KIF13A: variants seen among roughly 807,000 people sequenced by gnomAD.
KIF13A encodes kinesin family member 13A.
A neutral mutation model predicts 212.2 loss-of-function variants in KIF13A; 79 were observed. The ratio of observed to expected loss-of-function variants is 0.37; its 90% CI spans 0.31 to 0.45. The LOEUF (loss-of-function observed/expected upper bound fraction) is 0.45. Among genes scored for constraint, KIF13A ranks in the 20% least tolerant of loss-of-function variants. The pLI, the probability that KIF13A is intolerant of heterozygous loss-of-function variation, is 1.00. For synonymous variants in KIF13A, 789 were observed against 808.6 expected, an observed-to-expected ratio of 0.98 and a Z score of 0.41; for missense variants, 1,901 against 2,209.0, an observed-to-expected ratio of 0.86 and a Z score of 2.79.
At position 17,948,797 on chromosome 6, in the gene KIF13A, C is replaced by G. The variant is rs968794369; in HGVS notation, c.146+38257G>C. 3.4e-4 allele frequency among the ~76,000 whole-genome samples: 52 copies of G among 151,898 alleles called. 1 individual carries two copies. Among genetic ancestry groups the G allele is most frequent in the Non-Finnish European group, 4.4e-5 (3 of 67,980 alleles). On this transcript the variant is annotated intron_variant, in intron 2 of 38. Coordinates refer to ENST00000259711, the MANE Select transcript of KIF13A (RefSeq NM_022113.6). Reference sequence around the variant, plus strand: ...GCTGGGCTGGTCTCAAACTCCTGACCTCAAATGATCCACCCGTTTCGGCCC... The same window carrying G: ...GCTGGGCTGGTCTCAAACTCCTGACGTCAAATGATCCACCCGTTTCGGCCC...
In KIF13A at chr6:17,799,300, T is replaced by C. The variant is rs1762290359; in HGVS notation, c.2756A>G (p.Asp919Gly). Reference sequence around the variant, plus strand: ...GGAGAAGGTCACTGTGTACTGGGCATCCTTGGACTGTGGTGAAGGCACCTC... The same window carrying C: ...GGAGAAGGTCACTGTGTACTGGGCACCCTTGGACTGTGGTGAAGGCACCTC... ...DPEVPSPQSKDAQYTVTFSHC... is the reference protein window; with the variant it reads ...DPEVPSPQSKGAQYTVTFSHC... Residue 919 changes from aspartate to glycine, a missense_variant, in exon 22 of 39, where the codon GAT becomes GGT. Physicochemically the swap from Asp to Gly is moderately conservative, Grantham distance 94. This residue lies in a region of KIF13A where 534 missense variants were observed against 536.9 expected (regional missense o/e 0.99). Coordinates refer to ENST00000259711, the MANE Select transcript of KIF13A (RefSeq NM_022113.6). This position sits in a 1 kb window ranked among gnomAD's most constrained non-coding sequence, Gnocchi z 4.4. 1 of 1,613,100 alleles carries C rather than the reference T, an allele frequency of 6.2e-7. No homozygotes were observed. The highest frequency in any genetic ancestry group is 8.5e-7 in the Non-Finnish European group (1 of 1,179,476).
At chr6:17,831,287 C>T (rs960171495) in intron 12 of KIF13A, 52 bp from the exon 13 acceptor site, 3 of 1,580,582 alleles carry the variant, frequency 1.9e-6, no homozygotes, top group Admixed American at 1.8e-5. Flanking sequence ...GTTCTATTCA[C>T]AAGATGTATC....
intron 2 of KIF13A, among the ~76,000 whole-genome samples, chr6:17,932,803 G>GAA (rs5874615): frequency 6.9e-6 from 1 of 144,518 alleles, no homozygotes. Flanking sequence ...AGAATGGAAA[G>GAA]AAAAAAAAAA....
Position 17,799,335 on chromosome 6 carries a change from C to G in KIF13A, c.2721G>C (p.Val907=), listed in dbSNP as rs1172113002. The change falls in exon 22 of 39, where the codon GTG becomes GTC. Residue 907 remains valine (V), a synonymous_variant. Transcript: ENST00000259711. This position sits in a 1 kb window ranked among gnomAD's most constrained non-coding sequence, Gnocchi z 4.4. ...DQCESTVAAP[V]VDPEVPSPQS... ...GTGGTGAAGGCACCTCGGGGTCCAC[C>G]ACCGGGGCAGCCACCGTAGACTCAC... is the stretch of plus-strand genomic sequence containing the variant. 6.2e-7 allele frequency: 1 copy of G among 1,613,128 alleles called. No individual in the cohort carries two copies. Among genetic ancestry groups the G allele is most frequent in the Non-Finnish European group, 8.5e-7 (1 of 1,179,622 alleles).
chr6:17,762,812 C>T (rs1480777555), downstream of KIF13A, among the ~76,000 whole-genome samples: 1 of 152,114 alleles, frequency 6.6e-6, no homozygotes, highest in African/African-American at 2.4e-5. Context: ...TCAGAGATGA[C>T]TGTTTAGGTT....
At chr6:17,820,887 T>C (rs1021825164) in intron 16 of KIF13A, among the ~76,000 whole-genome samples, 11 of 152,034 alleles carry the variant, frequency 7.2e-5, no homozygotes, top group African/African-American at 2.7e-4. Flanking sequence ...GAAAGAGAAT[T>C]AGAATTAATT....
Position 17,796,706 on chromosome 6 carries a change from C to G in KIF13A, c.2905G>C (p.Asp969His), listed in dbSNP as rs1359528903. Reference sequence around the variant, plus strand: ...GTTCTTGTCTTAGCATGAAGAGAATCGACCTCCCAGATGGAGCTGCCATTT... The same window carrying G: ...GTTCTTGTCTTAGCATGAAGAGAATGGACCTCCCAGATGGAGCTGCCATTT... ...AGNGSSIWEV[D>H]SLHAKTRTLH... Residue 969 changes from aspartate to histidine, a missense_variant, in exon 23 of 39, where the codon GAT becomes CAT. Physicochemically the swap from Asp to His is moderately conservative, Grantham distance 81. Transcript: ENST00000259711. The G allele has an allele frequency of 1.9e-6, 3 of 1,582,944 alleles. No homozygotes were observed. Among genetic ancestry groups the G allele is most frequent in the Non-Finnish European group, 2.6e-6 (3 of 1,163,158 alleles).
intron 3 of KIF13A, among the ~76,000 whole-genome samples, chr6:17,890,808 AT>A (rs1771986248): frequency 6.7e-6 from 1 of 148,632 alleles, no homozygotes; most frequent in Admixed American, 6.7e-5. Context: ...AATAATAATA[AT>A]AATAATAATG....
chr6:17,954,453 T>C (rs776935937), intron 2 of KIF13A, among the ~76,000 whole-genome samples: 1 of 152,132 alleles, frequency 6.6e-6, no homozygotes, highest in African/African-American at 2.4e-5. Context: ...GCTCAATAAA[T>C]AACAGCTGAC....
chr6:17,793,639 G>A (rs1761790965), intron 25 of KIF13A, among the ~76,000 whole-genome samples: 1 of 152,072 alleles, frequency 6.6e-6, no homozygotes, highest in East Asian at 1.9e-4. Flanking sequence ...GTGGCCAGGT[G>A]CGGTGGCTCA....
chr6:17,807,900 T>C (rs912594692), intron 18 of KIF13A, among the ~76,000 whole-genome samples: 1 of 152,176 alleles, frequency 6.6e-6, no homozygotes, highest in African/African-American at 2.4e-5. Context: ...AATGAAATAT[T>C]GTGGGCGGGT....
At chr6:17,879,202 T>A (rs1442850354) in intron 3 of KIF13A, among the ~76,000 whole-genome samples, 1 of 152,192 alleles carries the variant, frequency 6.6e-6, no homozygotes, top group Non-Finnish European at 1.5e-5. Context: ...ACGGTCCTGT[T>A]TTATGCCTTG....
In KIF13A at chr6:17,855,356, T is replaced by C. The variant is rs918659581; in HGVS notation, c.494+81A>G. 4.6e-6 allele frequency: 5 copies of C among 1,076,820 alleles called. No individual in the cohort carries two copies. The highest frequency in any genetic ancestry group is 4.6e-5 in the Admixed American group (2 of 43,638). The allele number at this position is 1,076,820 out of a possible 1,614,324, so 66.7% of individuals were successfully genotyped here. ...TAGTCACCAAGAGCTTAAATACGTA[T>C]ATTCACTTCCAATTTTAACTTTAGA... On this transcript the variant is annotated intron_variant, in intron 6 of 38. Transcript: ENST00000259711. This position sits in a 1 kb window ranked among gnomAD's most constrained non-coding sequence, Gnocchi z 4.1.
intron 2 of KIF13A, among the ~76,000 whole-genome samples, chr6:17,975,013 C>G (rs959619618): frequency 1.3e-5 from 2 of 152,118 alleles, no homozygotes; most frequent in South Asian, 2.1e-4. Flanking sequence ...TGGTCCCAAG[C>G]TACCAGCATC....
rs79560571 is a variant in KIF13A, at chr6:17,984,088, G to A, written c.146+2966C>T. ...TGAGGTACAAAGAGAAGTAGGATAA[G>A]GTACCTACCTGCCTTCAAGCAGTTC... On this transcript the variant is annotated intron_variant, in intron 2 of 38. Transcript: ENST00000259711. This position sits in a 1 kb window ranked among gnomAD's most constrained non-coding sequence, Gnocchi z 5.0. Among the ~76,000 whole-genome samples, 1 of 152,142 alleles carries A rather than the reference G, an allele frequency of 6.6e-6. No homozygotes were observed. The highest frequency in any genetic ancestry group is 6.6e-5 in the Admixed American group (1 of 15,266).
rs60000356 is a variant in KIF13A, at chr6:17,983,649, G to A, written c.146+3405C>T. ...CTGGGATTATAGGTATGTACCACTCGGCTAATTTTTATATTTTTAGGAGAG... is the reference window on the plus strand; with the variant it reads ...CTGGGATTATAGGTATGTACCACTCAGCTAATTTTTATATTTTTAGGAGAG... On this transcript the variant is annotated intron_variant, in intron 2 of 38. Transcript: ENST00000259711. Among the ~76,000 whole-genome samples, 179 of 151,932 alleles carry A rather than the reference G, an allele frequency of 1.2e-3. 2 individuals are homozygous for A. Among genetic ancestry groups the A allele is most frequent in the African/African-American group, 3.9e-3 (161 of 41,438 alleles).
In KIF13A at chr6:17,764,239, ACTC is replaced by A; in HGVS notation, c.5286_5288del (p.Arg1762del). On this transcript the variant is annotated inframe_deletion, in exon 39 of 39. Transcript: ENST00000259711. The surrounding 1 kb of genome is among the most constrained non-coding windows in gnomAD (Gnocchi z 5.1). ...TCTTGCCGCCTGTTTTATTTGGTAG[ACTC>A]CTCCTACTGGAAAGCTCTCCAGCAG... is the stretch of plus-strand genomic sequence containing the variant. 3 of 1,613,664 alleles carry A rather than the reference ACTC, an allele frequency of 1.9e-6. No homozygotes were observed. Among genetic ancestry groups the A allele is most frequent in the East Asian group, 2.2e-5 (1 of 44,860 alleles).
chr6:17,808,965 A>G (rs1044027226), intron 17 of KIF13A, 35 bp from the exon 18 acceptor site: 2 of 1,538,150 alleles, frequency 1.3e-6, no homozygotes, highest in South Asian at 1.2e-5. Flanking sequence ...GAGAAAATCT[A>G]AAGGAAAACT....
chr6:17,767,743 T>C (rs568700288), intron 38 of KIF13A, among the ~76,000 whole-genome samples: 1 of 152,264 alleles, frequency 6.6e-6, no homozygotes, highest in South Asian at 2.1e-4. Context: ...TAATTTGGAG[T>C]CCTTTATATG....
Sources: gnomAD v4.1 joint callset for allele counts (sites outside exome capture counted in the v4.1 genomes callset) on GRCh38, gnomAD v4.1.1 for gene constraint, gnomAD v4.1.1 regional missense constraint, Gnocchi (gnomAD v3.1) non-coding constraint, MANE v1.5 for transcripts, NCBI Gene and HGNC (gene_info 2026-07-23, HGNC 2026-07-21) for gene names.